The following ZCCHC4 variants were observed in gnomAD, a reference collection of about 807,000 sequenced individuals.
ZCCHC4 encodes the protein zinc finger CCHC-type containing 4, also known as rRNA N(6)-adenosine-methyltransferase ZCCHC4.
A neutral mutation model predicts 67.7 loss-of-function variants in ZCCHC4; 54 were observed. The ratio of observed to expected loss-of-function variants is 0.80; its 90% CI spans 0.64 to 1.00. ZCCHC4 has a LOEUF of 1.00. ZCCHC4 is among the 50% of genes least tolerant of loss of function. ZCCHC4 has a pLI of 0.00. For synonymous variants in ZCCHC4, 198 were observed against 213.5 expected (o/e 0.93, Z 0.63); for missense variants, 609 against 617.0 (o/e 0.99, Z 0.14).
intron 3 of ZCCHC4, among the ~76,000 whole-genome samples, chr4:25,319,628 T>C (rs1718474134): frequency 6.6e-6 from 1 of 152,100 alleles, no homozygotes; most frequent in Admixed American, 6.5e-5. Context: ...AAATATTCAG[T>C]GTCTTAAGAT....
chr4:25,363,196 C>T (rs13109414), intron 10 of ZCCHC4, among the ~76,000 whole-genome samples: 11,796 of 152,264 alleles, frequency 0.077, 500 homozygotes, highest in South Asian at 0.11. Context: ...AAGGGTGTCT[C>T]TGGCTACTAC....
chr4:25,365,516 G>A (rs930445808), intron 12 of ZCCHC4: 6 of 1,019,240 alleles, frequency 5.9e-6, no homozygotes, highest in Middle Eastern at 4.8e-4. Flanking sequence ...TTGAGGGACA[G>A]ATCAGATATA....
chr4:25,332,540 A>G (rs1719237191), intron 3 of ZCCHC4, among the ~76,000 whole-genome samples: 1 of 152,096 alleles, frequency 6.6e-6, no homozygotes, highest in Non-Finnish European at 1.5e-5. Flanking sequence ...ATAAAATTAA[A>G]AAAGAAAGAA....
At chr4:25,337,592 TCA>T (rs1482926986) in intron 5 of ZCCHC4, among the ~76,000 whole-genome samples, 5 of 152,094 alleles carry the variant, frequency 3.3e-5, no homozygotes, top group African/African-American at 1.2e-4. Context: ...CTCTGACCAA[TCA>T]CACAGAGTTG....
chr4:25,346,562 C>G (rs959266101), intron 6 of ZCCHC4, among the ~76,000 whole-genome samples: 2 of 152,022 alleles, frequency 1.3e-5, no homozygotes, highest in Non-Finnish European at 2.9e-5. Context: ...TAAAAGTCAG[C>G]GTTCAGGAAA....
intron 5 of ZCCHC4, among the ~76,000 whole-genome samples, chr4:25,344,434 G>C (rs1719899493): frequency 7.0e-6 from 1 of 141,862 alleles, no homozygotes. Flanking sequence ...GACACAGGAA[G>C]GGGAACATCA....
At chr4:25,341,012 T>C (rs866772789) in intron 5 of ZCCHC4, among the ~76,000 whole-genome samples, 28 of 151,994 alleles carry the variant, frequency 1.8e-4, no homozygotes, top group African/African-American at 6.8e-4. Flanking sequence ...CTCTTCCTTA[T>C]GATTTTTTTT....
chr4:25,322,667 G>A (rs986299791), intron 3 of ZCCHC4, among the ~76,000 whole-genome samples: 1 of 151,920 alleles, frequency 6.6e-6, no homozygotes, highest in African/African-American at 2.4e-5. Flanking sequence ...ACAGGTGCAC[G>A]CCACCATGCC....
rs766405513 is a variant in ZCCHC4, at chr4:25,333,179, G to C, written c.330-4G>C. 6.2e-6 allele frequency: 10 copies of C among 1,607,848 alleles called. No homozygotes were observed. The highest frequency in any genetic ancestry group is 8.5e-6 in the Non-Finnish European group (10 of 1,175,636). ...ATTTCTTTGTGTTTTATTTTGTCTTGAAGGTACTTGAAGTTTATTGAGTTG... is the reference window on the plus strand; with the variant it reads ...ATTTCTTTGTGTTTTATTTTGTCTTCAAGGTACTTGAAGTTTATTGAGTTG... On this transcript the variant is annotated splice_region_variant and splice_polypyrimidine_tract_variant and intron_variant, in intron 3 of 12. Coordinates refer to ENST00000302874, the MANE Select transcript of ZCCHC4 (RefSeq NM_024936.3).
chr4:25,317,734 A>AAC (rs1718342916), intron 3 of ZCCHC4, among the ~76,000 whole-genome samples: 1 of 150,068 alleles, frequency 6.7e-6, no homozygotes, highest in Non-Finnish European at 1.5e-5. Context: ...AAAGAAAGAA[A>AAC]AGAAAATGGA....
chr4:25,333,392 G>T lies in ZCCHC4; in HGVS notation c.539G>T (p.Cys180Phe). ...NAQYLFADRS[C>F]QFLVDLLSAL... Reference sequence around the variant, plus strand: ...CAGTATCTGTTTGCTGATCGGAGCTGTCAGTTCTTGGTAGACTTACTTTCT... The same window carrying T: ...CAGTATCTGTTTGCTGATCGGAGCTTTCAGTTCTTGGTAGACTTACTTTCT... The change falls in exon 4 of 13, where the codon TGT (cysteine) becomes TTT (phenylalanine). Residue 180 changes from cysteine to phenylalanine, a missense_variant. Transcript: ENST00000302874. 1 of 1,614,196 alleles carries T rather than the reference G, an allele frequency of 6.2e-7. No individual in the cohort carries two copies. The highest frequency in any genetic ancestry group is 1.3e-5 in the African/African-American group (1 of 75,064).
At chr4:25,351,504 T>G in intron 7 of ZCCHC4, 85 bp from the exon 8 acceptor site, 1 of 852,442 alleles carries the variant, frequency 1.2e-6, no homozygotes, top group South Asian at 1.7e-5. Flanking sequence ...CATTGCAATT[T>G]CTTATGCTAG....
intron 1 of ZCCHC4, 144 bp from the exon 2 acceptor site, chr4:25,313,901 AC>A (rs1718094067): frequency 1.7e-6 from 1 of 592,974 alleles, no homozygotes; most frequent in African/African-American, 1.9e-5. Context: ...AAAACAAAAA[AC>A]AACCAACCAA....
chr4:25,317,822 A>G (rs964048786), intron 3 of ZCCHC4, among the ~76,000 whole-genome samples: 2 of 152,174 alleles, frequency 1.3e-5, no homozygotes, highest in South Asian at 4.2e-4. Context: ...GTTTACTTCA[A>G]TGAGAAAACT....
chr4:25,314,809 A>G (rs1718165347), intron 2 of ZCCHC4, among the ~76,000 whole-genome samples: 1 of 152,232 alleles, frequency 6.6e-6, no homozygotes, highest in Admixed American at 6.5e-5. Flanking sequence ...TTGCTCACTA[A>G]AGAGAAATCA....
chr4:25,343,760 A>G (rs1203796731), intron 5 of ZCCHC4, among the ~76,000 whole-genome samples: 1 of 152,274 alleles, frequency 6.6e-6, no homozygotes, highest in Non-Finnish European at 1.5e-5. Flanking sequence ...TGTCCCTTAC[A>G]TTAAATATTC....
Position 25,364,449 on chromosome 4 carries a change from G to C in ZCCHC4, c.1210-5G>C, listed in dbSNP as rs1274561053. The C allele has an allele frequency of 7.0e-7, 1 of 1,428,384 alleles. No individual in the cohort carries two copies. The highest frequency in any genetic ancestry group is 9.2e-7 in the Non-Finnish European group (1 of 1,085,652). 88.5% of individuals were successfully genotyped at this position (1,428,384 alleles called of 1,614,324 possible). ...TAATTTAAAAATTGTTTTTTTTTTT[G>C]GTAGGATGGCAGGAAATGGAACCAT... On this transcript the variant is annotated splice_region_variant and splice_polypyrimidine_tract_variant and intron_variant, in intron 10 of 12. Transcript: ENST00000302874.
rs565861046 is a variant in ZCCHC4, at chr4:25,361,595, C to T, written c.1012-264C>T. ...TGGCCTGCACCCATGTGGGCTTGCA[C>T]CCACAGCTTGCGCCCAGTCTCGCTC... On this transcript the variant is annotated intron_variant, in intron 8 of 12. Transcript: ENST00000302874. 3 of 403,456 alleles carry T rather than the reference C, an allele frequency of 7.4e-6. No individual in the cohort carries two copies. The East Asian group carries it at 1.4e-4, about 18-fold the overall frequency. The allele number at this position is 403,456 out of a possible 1,614,324, so 25.0% of individuals were successfully genotyped here. A position where few individuals can be genotyped will look rare whatever the true frequency, so the allele number is the denominator to read the frequency against.
At chr4:25,346,592 G>C (rs1424987549) in intron 6 of ZCCHC4, among the ~76,000 whole-genome samples, 1 of 152,202 alleles carries the variant, frequency 6.6e-6, no homozygotes. Flanking sequence ...ATGTTAAATT[G>C]TTGGTTGGGA....
Sources: allele counts gnomAD v4.1 joint callset (sites outside exome capture counted in the v4.1 genomes callset), GRCh38; gene constraint gnomAD v4.1.1; transcripts MANE v1.5; gene names NCBI Gene and HGNC (gene_info 2026-07-23, HGNC 2026-07-21).